The following PHACTR2 variants were observed in gnomAD, a reference collection of about 807,000 sequenced individuals.
PHACTR2 encodes phosphatase and actin regulator 2, also known as chromosome 6 open reading frame 56.
In PHACTR2, 30 loss-of-function variants were observed where a neutral mutation model predicts 76.0. That is an observed-to-expected ratio of 0.39 (90% confidence interval 0.30 to 0.54). The LOEUF (loss-of-function observed/expected upper bound fraction) is 0.54, where lower values mean the gene tolerates loss of function less well. Ranked by LOEUF, PHACTR2 falls within the 20% of genes least tolerant of loss-of-function variation. The pLI is 0.61. For synonymous variants in PHACTR2, 292 were observed against 292.5 expected (o/e 1.00, Z 0.02); for missense variants, 696 against 781.1 (o/e 0.89, Z 1.30).
At chr6:143,805,290 C>T (rs1380416145) in intron 11 of PHACTR2, among the ~76,000 whole-genome samples, 2 of 151,682 alleles carry the variant, frequency 1.3e-5, no homozygotes, top group African/African-American at 4.8e-5. Context: ...CCAGCCTGGC[C>T]AACATGGTGA....
At chr6:143,636,104 A>G (rs1408754742) in intron 1 of PHACTR2, among the ~76,000 whole-genome samples, 1 of 118,576 alleles carries the variant, frequency 8.4e-6, no homozygotes, top group African/African-American at 3.5e-5. Flanking sequence ...AGTCCCAGCT[A>G]GTCAGGAGGC....
Position 143,793,259 on chromosome 6 carries a change from GA to G in PHACTR2, c.1845+4350del, listed in dbSNP as rs1473075300. On this transcript the variant is annotated intron_variant, in intron 11 of 12. Coordinates refer to ENST00000440869, the MANE Select transcript of PHACTR2 (RefSeq NM_001100164.2). The surrounding 1 kb of genome is among the most constrained non-coding windows in gnomAD (Gnocchi z 4.4). Reference sequence around the variant, plus strand: ...AGCTCATTCATCTCTAGCTGTAACAGAGAGGATTTTTTTTTTTAATTTTATG... The same window carrying G: ...AGCTCATTCATCTCTAGCTGTAACAGGAGGATTTTTTTTTTTAATTTTATG... 6.6e-6 allele frequency among the ~76,000 whole-genome samples: 1 copy of G among 152,132 alleles called. No individual in the cohort carries two copies. The highest frequency in any genetic ancestry group is 2.4e-5 in the African/African-American group (1 of 41,426).
chr6:143,719,039 C>T (rs1040519363), intron 2 of PHACTR2, among the ~76,000 whole-genome samples: 5 of 151,882 alleles, frequency 3.3e-5, no homozygotes, highest in Non-Finnish European at 5.9e-5. Flanking sequence ...TGTGCCATTA[C>T]GCCCAGCTAA....
chr6:143,748,066 A>AT (rs142599644), intron 2 of PHACTR2, among the ~76,000 whole-genome samples: 19,833 of 150,644 alleles, frequency 0.13, 1,395 homozygotes, highest in Middle Eastern at 0.2. Flanking sequence ...ACTGATTATT[A>AT]TTATTTTTTT....
chr6:143,786,088 T>G (rs989366882), intron 10 of PHACTR2, among the ~76,000 whole-genome samples: 7 of 152,364 alleles, frequency 4.6e-5, no homozygotes, highest in Admixed American at 3.9e-4. Flanking sequence ...TGCTGCATCC[T>G]CAGGCTGCAA....
chr6:143,555,921 A>T (rs1775166601), intron 1 of PHACTR2, among the ~76,000 whole-genome samples: 1 of 144,842 alleles, frequency 6.9e-6, no homozygotes. Context: ...TATGACATTT[A>T]GCTTTTTTTT....
At chr6:143,725,738 A>G (rs1778552163) in intron 2 of PHACTR2, among the ~76,000 whole-genome samples, 1 of 151,754 alleles carries the variant, frequency 6.6e-6, no homozygotes, top group Non-Finnish European at 1.5e-5. Context: ...AGGCAGGACA[A>G]TCACTTGAAC....
At position 143,708,219 on chromosome 6, in the gene PHACTR2, A is replaced by C. The variant is rs1364055720; in HGVS notation, c.47-3797A>C. 6.6e-6 allele frequency among the ~76,000 whole-genome samples: 1 copy of C among 152,230 alleles called. No individual in the cohort carries two copies. Among genetic ancestry groups the C allele is most frequent in the Admixed American group, 6.5e-5 (1 of 15,282 alleles). The stretch of plus-strand genomic sequence containing the variant: ...CATTTCTGTTTAAATAAAAAATAAA[A>C]CCTGTGTATATTTTCTGATTTCTTA... On this transcript the variant is annotated intron_variant, in intron 1 of 12. Transcript: ENST00000440869. This position sits in a 1 kb window ranked among gnomAD's most constrained non-coding sequence, Gnocchi z 5.5.
rs1436884599 is a variant in PHACTR2, at chr6:143,822,247, G to T, written c.1923-1427G>T. 1.3e-5 allele frequency among the ~76,000 whole-genome samples: 2 copies of T among 152,022 alleles called. No homozygotes were observed. Among genetic ancestry groups the T allele is most frequent in the Non-Finnish European group, 2.9e-5 (2 of 68,006 alleles). On this transcript the variant is annotated intron_variant, in intron 12 of 12. Transcript: ENST00000440869. The surrounding 1 kb of genome is among the most constrained non-coding windows in gnomAD (Gnocchi z 5.5). Reference sequence around the variant, plus strand: ...CTTACTATGTGCCCAGACTTGTCTTGAACTCCTGGACTCAAGGCTGTCCTC... The same window carrying T: ...CTTACTATGTGCCCAGACTTGTCTTTAACTCCTGGACTCAAGGCTGTCCTC...
At chr6:143,694,188 G>T (rs1324749931) in intron 1 of PHACTR2, among the ~76,000 whole-genome samples, 2 of 148,828 alleles carry the variant, frequency 1.3e-5, no homozygotes, top group African/African-American at 2.5e-5. Flanking sequence ...AAGGAGGGAG[G>T]GAGGGAGGAA....
rs1777571230 is a variant in PHACTR2, at chr6:143,688,500, G to T, written c.46+10291G>T. Among the ~76,000 whole-genome samples, 1 of 152,158 alleles carries T rather than the reference G, an allele frequency of 6.6e-6. No homozygotes were observed. ...CTTGAAAACTTGTGGGCATCCCAGA[G>T]GTAACATAAGTCTATACAGAAGGTT... On this transcript the variant is annotated intron_variant, in intron 1 of 12. Transcript: ENST00000440869. The surrounding 1 kb of genome is among the most constrained non-coding windows in gnomAD (Gnocchi z 5.2).
chr6:143,707,867 G>A (rs1426810332), intron 1 of PHACTR2, among the ~76,000 whole-genome samples: 1 of 152,164 alleles, frequency 6.6e-6, no homozygotes, highest in Non-Finnish European at 1.5e-5. Context: ...ATCATGGCAC[G>A]TGAGTGAAGG....
In PHACTR2 at chr6:143,755,071, G is replaced by T. The variant is rs1562294538; in HGVS notation, c.454+1159G>T. 6.6e-6 allele frequency among the ~76,000 whole-genome samples: 1 copy of T among 152,186 alleles called. No homozygotes were observed. The highest frequency in any genetic ancestry group is 2.4e-5 in the African/African-American group (1 of 41,442). ...TTTTAGAAGCCTGTGTAAATAATCT[G>T]TTGGAAATGTATTATTTTGCTTTAT... On this transcript the variant is annotated intron_variant, in intron 4 of 12. Coordinates refer to ENST00000440869, the MANE Select transcript of PHACTR2 (RefSeq NM_001100164.2). This position sits in a 1 kb window ranked among gnomAD's most constrained non-coding sequence, Gnocchi z 5.2.
In PHACTR2 at chr6:143,678,328, C is replaced by T; in HGVS notation, c.46+119C>T. ...TTCCGCTCGGACCCGCCAAGTCCCT[C>T]GGAGAAACCCCAGAGGTAGCGCTCG... On this transcript the variant is annotated intron_variant, in intron 1 of 12. Transcript: ENST00000440869. The surrounding 1 kb of genome is among the most constrained non-coding windows in gnomAD (Gnocchi z 6.2). The T allele has an allele frequency of 2.2e-6, 2 of 900,078 alleles. No homozygotes were observed. The highest frequency in any genetic ancestry group is 3.1e-6 in the Non-Finnish European group (2 of 645,450). 55.8% of individuals were successfully genotyped at this position (900,078 alleles called of 1,614,324 possible). A position where few individuals can be genotyped will look rare whatever the true frequency, so the allele number is the denominator to read the frequency against.
At position 143,800,293 on chromosome 6, in the gene PHACTR2, G is replaced by T. The variant is rs1248305728; in HGVS notation, c.1846-6764G>T. 1.3e-5 allele frequency among the ~76,000 whole-genome samples: 2 copies of T among 151,664 alleles called. No individual in the cohort carries two copies. Among genetic ancestry groups the T allele is most frequent in the African/African-American group, 2.4e-5 (1 of 41,262 alleles). On this transcript the variant is annotated intron_variant, in intron 11 of 12. Coordinates refer to ENST00000440869, the MANE Select transcript of PHACTR2 (RefSeq NM_001100164.2). The surrounding 1 kb of genome is among the most constrained non-coding windows in gnomAD (Gnocchi z 4.8). Reference sequence around the variant, plus strand: ...TTTTATTTTTTTGAGACCGAGTCTGGCTCTGTTGCCCAGGCTGGAGTGCAG... The same window carrying T: ...TTTTATTTTTTTGAGACCGAGTCTGTCTCTGTTGCCCAGGCTGGAGTGCAG...
At chr6:143,572,004 A>C (rs1397456163) in intron 1 of PHACTR2, among the ~76,000 whole-genome samples, 1 of 152,222 alleles carries the variant, frequency 6.6e-6, no homozygotes, top group Non-Finnish European at 1.5e-5. Context: ...GATTATGAGG[A>C]GCATAGCCTA....
intron 1 of PHACTR2, among the ~76,000 whole-genome samples, chr6:143,631,588 A>G (rs10484805): frequency 0.074 from 11,299 of 152,102 alleles, 465 homozygotes; most frequent in South Asian, 0.13. Context: ...ATTAAATTGA[A>G]TGGAAGACTT....
intron 2 of PHACTR2, among the ~76,000 whole-genome samples, chr6:143,725,163 G>T (rs1343617380): frequency 6.8e-6 from 1 of 146,086 alleles, no homozygotes; most frequent in Non-Finnish European, 1.5e-5. Flanking sequence ...GGATATATCA[G>T]AGTTCTGTCA....
rs1208622350 is a variant in PHACTR2 at position 143,830,766 on chromosome 6, T to C, written c.*7077T>C. The C allele has an allele frequency of 6.6e-6, 1 of 152,242 alleles. No individual in the cohort carries two copies. The highest frequency in any genetic ancestry group is 1.5e-5 in the Non-Finnish European group (1 of 68,030). The allele number at this position is 152,242 out of a possible 1,614,324, so 9.4% of individuals were successfully genotyped here. ...ACATTGTTTAGCTTTCCTAAGTATA[T>C]ATAAATGCATATATGTATAAAATTG... is the stretch of plus-strand genomic sequence containing the variant. On this transcript the variant is annotated 3_prime_UTR_variant, in exon 13 of 13. Coordinates refer to ENST00000440869, the MANE Select transcript of PHACTR2 (RefSeq NM_001100164.2).
Sources: gnomAD v4.1 joint callset for allele counts (sites outside exome capture counted in the v4.1 genomes callset) on GRCh38, gnomAD v4.1.1 for gene constraint, Gnocchi (gnomAD v3.1) non-coding constraint, MANE v1.5 for transcripts, NCBI Gene and HGNC (gene_info 2026-07-23, HGNC 2026-07-21) for gene names.